The following PKHD1 variants were observed in gnomAD, a reference collection of about 807,000 sequenced individuals.
PKHD1 encodes the protein PKHD1 ciliary IPT domain containing fibrocystin/polyductin.
Under a neutral mutation model 412.0 loss-of-function variants are expected in PKHD1, and 291 were observed. The ratio of observed to expected loss-of-function variants is 0.71; its 90% CI spans 0.64 to 0.78. PKHD1 has a LOEUF of 0.78. Ranked by LOEUF, PKHD1 falls within the 30% of genes least tolerant of loss-of-function variation. The pLI is 0.00. For synonymous variants in PKHD1, 1,777 were observed against 1,821.5 expected (o/e 0.98, Z 0.62); for missense variants, 4,825 against 4,950.7 (o/e 0.97, Z 0.76).
intron 6 of PKHD1, among the ~76,000 whole-genome samples, chr6:52,075,244 AATCTGTGTCTATAC>A (rs1811190419): frequency 6.6e-6 from 1 of 152,268 alleles, no homozygotes; most frequent in African/African-American, 2.4e-5. Flanking sequence ...ACTCATACAT[AATCTGTGTCTATAC>A]ACACAAACAC....
At chr6:51,915,402 T>C (rs1783616502) in intron 37 of PKHD1, among the ~76,000 whole-genome samples, 1 of 152,126 alleles carries the variant, frequency 6.6e-6, no homozygotes. Flanking sequence ...ATTTCTGTAC[T>C]TAGAATTTGT....
intron 34 of PKHD1, among the ~76,000 whole-genome samples, chr6:52,013,762 C>T (rs1047285436): frequency 3.3e-5 from 5 of 152,174 alleles, no homozygotes; most frequent in Non-Finnish European, 5.9e-5. Context: ...AGACTCCTGA[C>T]TCCCAAACTA....
chr6:51,737,987 T>G (rs1784070704), intron 60 of PKHD1, among the ~76,000 whole-genome samples: 1 of 152,236 alleles, frequency 6.6e-6, no homozygotes, highest in African/African-American at 2.4e-5. Context: ...ACAAATTAGA[T>G]ATACAAACTA....
chr6:51,749,329 A>G lies in PKHD1; in HGVS notation c.8951-664T>C, dbSNP rs1428163503. On this transcript the variant is annotated intron_variant, in intron 57 of 66. Coordinates refer to ENST00000371117, the MANE Select transcript of PKHD1 (RefSeq NM_138694.4). ...CTGTTTCATTTTTATAAGATTTTCTATATCTTTTATGTGAGGAGAAAATAG... is the reference window on the plus strand; with the variant it reads ...CTGTTTCATTTTTATAAGATTTTCTGTATCTTTTATGTGAGGAGAAAATAG... 2.6e-5 allele frequency among the ~76,000 whole-genome samples: 4 copies of G among 152,144 alleles called. No individual in the cohort carries two copies. In the East Asian group the frequency reaches 7.7e-4, roughly 29 times the overall value.
intron 60 of PKHD1, among the ~76,000 whole-genome samples, chr6:51,696,375 C>T (rs771803528): frequency 5.9e-5 from 9 of 152,096 alleles, no homozygotes. Flanking sequence ...AAGGTTAGTT[C>T]TCAGAAGCAG....
chr6:51,922,132 G>A (rs1784807371), intron 37 of PKHD1, among the ~76,000 whole-genome samples: 1 of 152,178 alleles, frequency 6.6e-6, no homozygotes. Flanking sequence ...TGTCTTTTTT[G>A]TTGATGTTGA....
intron 58 of PKHD1, among the ~76,000 whole-genome samples, chr6:51,747,338 TTTCAA>T (rs144184499): frequency 0.017 from 2,568 of 152,256 alleles, 73 homozygotes; most frequent in African/African-American, 0.058. Flanking sequence ...AACTTCTACA[TTTCAA>T]TTTCCTCACT....
In PKHD1 at chr6:51,631,911, G is replaced by A. The variant is rs150388897; in HGVS notation, c.11665+654C>T. On this transcript the variant is annotated intron_variant, in intron 65 of 66. Coordinates refer to ENST00000371117, the MANE Select transcript of PKHD1 (RefSeq NM_138694.4). ...CTTTTAAAGGAGAAGAGGAGAGGAT[G>A]ACATTTCCCCGGATTCTTTTTTTTT... 2.0e-3 allele frequency among the ~76,000 whole-genome samples: 299 copies of A among 149,480 alleles called. 2 individuals are homozygous for A. Among genetic ancestry groups the A allele is most frequent in the East Asian group, 0.013 (67 of 5,106 alleles).
At chr6:51,942,815 C>T (rs938529554) in intron 36 of PKHD1, among the ~76,000 whole-genome samples, 1 of 151,612 alleles carries the variant, frequency 6.6e-6, no homozygotes, top group Non-Finnish European at 1.5e-5. Flanking sequence ...GAAATCCATC[C>T]TCAAGGAAAT....
chr6:51,844,533 G>A (rs1770822627), intron 50 of PKHD1, among the ~76,000 whole-genome samples: 1 of 152,208 alleles, frequency 6.6e-6, no homozygotes, highest in African/African-American at 2.4e-5. Context: ...TTAGTGGGCA[G>A]CACACTCTAG....
intron 60 of PKHD1, among the ~76,000 whole-genome samples, chr6:51,702,187 TTA>T (rs767452517): frequency 2.6e-3 from 385 of 146,762 alleles, no homozygotes; most frequent in Non-Finnish European, 4.2e-3. Flanking sequence ...ATATAATATA[TTA>T]TATATATTAT....
At chr6:51,652,903 G>T (rs1022245762) in intron 61 of PKHD1, among the ~76,000 whole-genome samples, 5 of 152,030 alleles carry the variant, frequency 3.3e-5, no homozygotes, top group African/African-American at 1.2e-4. Flanking sequence ...AAATAGGCTA[G>T]ATAAGGCCAA....
intron 52 of PKHD1, 41 bp from the exon 53 acceptor site, chr6:51,791,414 C>T (rs745451067): frequency 9.4e-6 from 15 of 1,600,990 alleles, no homozygotes; most frequent in Admixed American, 6.7e-5. Flanking sequence ...GTCACAAAAA[C>T]AAGAATTACG....
chr6:51,957,367 T>C (rs1356473582), intron 36 of PKHD1, among the ~76,000 whole-genome samples: 1 of 152,126 alleles, frequency 6.6e-6, no homozygotes, highest in Non-Finnish European at 1.5e-5. Flanking sequence ...TGGTAAGCCC[T>C]TAGCCACATG....
chr6:52,050,498 G>A (rs1174410663), intron 21 of PKHD1, among the ~76,000 whole-genome samples: 2 of 152,170 alleles, frequency 1.3e-5, no homozygotes, highest in Non-Finnish European at 2.9e-5. Context: ...GAAAGTGCAA[G>A]GTCCTGATTT....
At chr6:52,062,401 G>T (rs1338819228) in intron 14 of PKHD1, 118 bp downstream of exon 14, 35 of 1,050,338 alleles carry the variant, frequency 3.3e-5, no homozygotes, top group Middle Eastern at 5.4e-4. Context: ...TGTTGTTGTT[G>T]AATTGGCTAG....
chr6:51,694,204 A>AAATG (rs1273053781), intron 60 of PKHD1, among the ~76,000 whole-genome samples: 3 of 151,916 alleles, frequency 2.0e-5, no homozygotes, highest in Admixed American at 6.6e-5. Context: ...CAATGCCTGC[A>AAATG]AATGTTTTCT....
intron 60 of PKHD1, among the ~76,000 whole-genome samples, chr6:51,670,817 G>A (rs1369016129): frequency 3.3e-5 from 5 of 150,620 alleles, no homozygotes; most frequent in Admixed American, 2.6e-4. Context: ...AGCTTAGTTT[G>A]GCTGGATATG....
intron 43 of PKHD1, among the ~76,000 whole-genome samples, chr6:51,891,850 C>T (rs1220751506): frequency 6.6e-6 from 1 of 152,050 alleles, no homozygotes; most frequent in Non-Finnish European, 1.5e-5. Flanking sequence ...AGAACCAATG[C>T]CTCAACCCCT....
Sources: allele counts gnomAD v4.1 joint callset (sites outside exome capture counted in the v4.1 genomes callset), GRCh38; gene constraint gnomAD v4.1.1; transcripts MANE v1.5; gene names NCBI Gene and HGNC (gene_info 2026-07-23, HGNC 2026-07-21).